Variants in KMT2C observed in about 807,000 individuals in gnomAD.
The protein encoded by KMT2C is lysine methyltransferase 2C.
In KMT2C, 88 loss-of-function variants were observed where a neutral mutation model predicts 507.9. The ratio of observed to expected loss-of-function variants is 0.17; its 90% CI spans 0.15 to 0.21. KMT2C has a LOEUF of 0.21. Ranked by LOEUF, KMT2C falls within the 10% of genes least tolerant of loss-of-function variation. The pLI is 1.00. For synonymous variants in KMT2C, 2,049 were observed against 2,080.8 expected (o/e 0.98, Z 0.42); for missense variants, 4,954 against 5,957.8 (o/e 0.83, Z 5.55).
chr7:152,297,055 C>CAGACAGAG (rs1315629061), intron 6 of KMT2C, among the ~76,000 whole-genome samples: 2,827 of 84,330 alleles, frequency 0.034, 86 homozygotes, highest in Admixed American at 0.044. Flanking sequence ...GAAAGAAAGA[C>CAGACAGAG]AGAGAGAGAG....
intron 58 of KMT2C, 123 bp from the exon 59 acceptor site, chr7:152,137,047 T>C: frequency 1.4e-6 from 1 of 723,590 alleles, no homozygotes; most frequent in African/African-American, 1.7e-5. Flanking sequence ...GAAGACCTGA[T>C]TTATTGAGGT....
intron 1 of KMT2C, among the ~76,000 whole-genome samples, chr7:152,389,291 G>T (rs12539996): frequency 0.18 from 27,038 of 150,046 alleles, 2,654 homozygotes; most frequent in African/African-American, 0.24. Context: ...CTTGAACCTG[G>T]GAGGCCGAGA....
chr7:152,166,351 A>G (rs1339702975), intron 42 of KMT2C, among the ~76,000 whole-genome samples: 1 of 151,286 alleles, frequency 6.6e-6, no homozygotes, highest in Admixed American at 6.6e-5. Context: ...CAAACTCCTG[A>G]CCTCAAGTGA....
chr7:152,281,919 TAAAGAC>T (rs1431718295), intron 6 of KMT2C, among the ~76,000 whole-genome samples: 1 of 152,088 alleles, frequency 6.6e-6, no homozygotes, highest in Non-Finnish European at 1.5e-5. Flanking sequence ...ATACAAGTAA[TAAAGAC>T]AAATTCATCG....
At chr7:152,281,560 C>T (rs1163445313) in intron 6 of KMT2C, among the ~76,000 whole-genome samples, 3 of 152,092 alleles carry the variant, frequency 2.0e-5, no homozygotes, top group Non-Finnish European at 4.4e-5. Context: ...GGTGAGACCC[C>T]GTTTCTATTA....
chr7:152,293,423 A>G (rs1470280792), intron 6 of KMT2C, among the ~76,000 whole-genome samples: 1 of 152,256 alleles, frequency 6.6e-6, no homozygotes, highest in Non-Finnish European at 1.5e-5. Flanking sequence ...AAATAAAAAC[A>G]TTACCATGGT....
In KMT2C at chr7:152,199,182, A is replaced by G. The variant is rs960959059; in HGVS notation, c.4273+97T>C. The stretch of plus-strand genomic sequence containing the variant: ...TCAATGCTGTTGATTTTTAAAATGC[A>G]TATGAGGCCAAACAAAAACATTTCA... On this transcript the variant is annotated intron_variant, in intron 27 of 58. Coordinates refer to ENST00000262189, the MANE Select transcript of KMT2C (RefSeq NM_170606.3). The G allele has an allele frequency of 6.3e-6, 6 of 953,958 alleles. No individual in the cohort carries two copies. In the Admixed American group the frequency reaches 1.6e-4, roughly 26 times the overall value. 59.1% of individuals were successfully genotyped at this position (953,958 alleles called of 1,614,324 possible). A position where few individuals can be genotyped will look rare whatever the true frequency, so the allele number is the denominator to read the frequency against.
chr7:152,396,494 A>G (rs1009584140), intron 1 of KMT2C, among the ~76,000 whole-genome samples: 2 of 152,196 alleles, frequency 1.3e-5, no homozygotes, highest in South Asian at 2.1e-4. Context: ...TGTAATTCTC[A>G]TAATTATTAT....
intron 7 of KMT2C, among the ~76,000 whole-genome samples, chr7:152,271,316 C>A (rs2095963281): frequency 6.6e-6 from 1 of 152,054 alleles, no homozygotes; most frequent in Non-Finnish European, 1.5e-5. Flanking sequence ...GGTACTTAAT[C>A]CAAGATTATG....
At chr7:152,293,880 C>CA (rs940426938) in intron 6 of KMT2C, among the ~76,000 whole-genome samples, 4 of 152,150 alleles carry the variant, frequency 2.6e-5, no homozygotes, top group African/African-American at 9.7e-5. Flanking sequence ...ATTTTTGAGA[C>CA]AAAGTCTGGC....
chr7:152,181,022 CAGGGGGCCT>C lies in KMT2C; in HGVS notation c.6829_6837del (p.Arg2277_Pro2279del). On this transcript the variant is annotated inframe_deletion, in exon 36 of 59. Transcript: ENST00000262189. ...CTAAATGTGTCTGAAAGACCAGGTC[CAGGGGGCCT>C]AGGTGTCTGGGAACATGTATCAGGT... The C allele has an allele frequency of 6.2e-7, 1 of 1,614,146 alleles. No individual in the cohort carries two copies.
At chr7:152,287,682 A>T (rs2096327502) in intron 6 of KMT2C, among the ~76,000 whole-genome samples, 1 of 152,224 alleles carries the variant, frequency 6.6e-6, no homozygotes, top group African/African-American at 2.4e-5. Context: ...GAATTCATAG[A>T]TGTCATAATT....
rs1475086440 is a variant in KMT2C, at chr7:152,162,297, G to C, written c.11280C>G (p.Pro3760=). 3.7e-6 allele frequency: 6 copies of C among 1,614,036 alleles called. No homozygotes were observed. The highest frequency in any genetic ancestry group is 2.2e-5 in the East Asian group (1 of 44,896). Residue 3760 remains proline (P), a synonymous_variant, in exon 43 of 59, where the codon CCC becomes CCG. Coordinates refer to ENST00000262189, the MANE Select transcript of KMT2C (RefSeq NM_170606.3). ...ACPVSSAQSP[P]HSAGAPAAKG... ...TGGCAGCAGGGGCCCCAGCAGAATGGGGAGGACTCTGTGCTGAGGAGACAG... is the reference window on the plus strand; with the variant it reads ...TGGCAGCAGGGGCCCCAGCAGAATGCGGAGGACTCTGTGCTGAGGAGACAG...
chr7:152,229,839 T>C (rs1409326962), intron 18 of KMT2C, 84 bp downstream of exon 18: 2 of 797,424 alleles, frequency 2.5e-6, no homozygotes, highest in Non-Finnish European at 4.2e-6. Flanking sequence ...TAATACTTAA[T>C]TGTGAGAACT....
chr7:152,349,820 AT>A (rs1215489290), intron 2 of KMT2C, among the ~76,000 whole-genome samples: 2 of 152,200 alleles, frequency 1.3e-5, no homozygotes, highest in African/African-American at 4.8e-5. Context: ...GGCTTAAAAA[AT>A]TGTGACAAAT....
rs1158923817 is a variant in KMT2C at position 152,224,629 on chromosome 7, C to G, written c.2977-13G>C. Reference sequence around the variant, plus strand: ...CCACTTTAGTGATCTGTAAAAGAAACAACCAATCCATGTGATTTATGCATT... The same window carrying G: ...CCACTTTAGTGATCTGTAAAAGAAAGAACCAATCCATGTGATTTATGCATT... On this transcript the variant is annotated splice_polypyrimidine_tract_variant and intron_variant, in intron 18 of 58. Coordinates refer to ENST00000262189, the MANE Select transcript of KMT2C (RefSeq NM_170606.3). The G allele has an allele frequency of 7.5e-7, 1 of 1,327,224 alleles. No homozygotes were observed. The highest frequency in any genetic ancestry group is 1.1e-6 in the Non-Finnish European group (1 of 926,400). 82.2% of individuals were successfully genotyped at this position (1,327,224 alleles called of 1,614,324 possible). A position where few individuals can be genotyped will look rare whatever the true frequency, so the allele number is the denominator to read the frequency against.
intron 1 of KMT2C, among the ~76,000 whole-genome samples, chr7:152,429,205 A>G (rs1388731134): frequency 6.6e-6 from 1 of 152,218 alleles, no homozygotes; most frequent in African/African-American, 2.4e-5. Flanking sequence ...ATCCCAGGAC[A>G]TATTTAGCAC....
chr7:152,152,685 C>A lies in KMT2C; in HGVS notation c.12526+20G>T, dbSNP rs746970511. ...GAATCAGGAATGGATTTGGGGTTAACAAAAAGCTCACTAGCTCACCATTGC... is the reference window on the plus strand; with the variant it reads ...GAATCAGGAATGGATTTGGGGTTAAAAAAAAGCTCACTAGCTCACCATTGC... On this transcript the variant is annotated intron_variant, in intron 49 of 58. Transcript: ENST00000262189. 6 of 1,611,258 alleles carry A rather than the reference C, an allele frequency of 3.7e-6. No homozygotes were observed. The South Asian group carries it at 6.6e-5, about 18-fold the overall frequency.
chr7:152,244,919 C>G (rs1185614107), intron 14 of KMT2C, among the ~76,000 whole-genome samples: 5 of 152,104 alleles, frequency 3.3e-5, no homozygotes, highest in Non-Finnish European at 7.4e-5. Flanking sequence ...ATACAAAAAA[C>G]TAAACTTTAA....
Sources: gnomAD v4.1 joint callset for allele counts (sites outside exome capture counted in the v4.1 genomes callset) on GRCh38, gnomAD v4.1.1 for gene constraint, MANE v1.5 for transcripts, NCBI Gene and HGNC (gene_info 2026-07-23, HGNC 2026-07-21) for gene names.